SHROOM3: variants seen among roughly 807,000 people sequenced by gnomAD.
SHROOM3 encodes the protein shroom family member 3, also known as protein Shroom3.
In SHROOM3, 47 loss-of-function variants were observed where a neutral mutation model predicts 138.6. The ratio of observed to expected loss-of-function variants is 0.34; its 90% CI spans 0.27 to 0.43. The LOEUF (loss-of-function observed/expected upper bound fraction) is 0.43. Ranked by LOEUF, SHROOM3 falls within the 20% of genes least tolerant of loss-of-function variation. The pLI is 1.00. For synonymous variants in SHROOM3, 1,062 were observed against 1,063.3 expected (o/e 1.00, Z 0.02); for missense variants, 2,491 against 2,596.5 (o/e 0.96, Z 0.88).
At chr4:76,453,368 T>A (rs1730964273) in intron 1 of SHROOM3, among the ~76,000 whole-genome samples, 1 of 152,016 alleles carries the variant, frequency 6.6e-6, no homozygotes, top group Non-Finnish European at 1.5e-5. Flanking sequence ...AGTCTTGACC[T>A]CCTGGGCTCA....
At chr4:76,696,742 A>G (rs748713940) in intron 2 of SHROOM3, among the ~76,000 whole-genome samples, 2 of 152,104 alleles carry the variant, frequency 1.3e-5, no homozygotes, top group African/African-American at 2.4e-5. Context: ...TTCTGTTCCC[A>G]ATACCATCTG....
At chr4:76,590,995 CTG>C (rs1734262374) in intron 2 of SHROOM3, among the ~76,000 whole-genome samples, 1 of 152,122 alleles carries the variant, frequency 6.6e-6, no homozygotes, top group African/African-American at 2.4e-5. Context: ...AATATCGAAT[CTG>C]TGCAACAGCT....
At chr4:76,473,203 G>T (rs1731415620) in intron 1 of SHROOM3, among the ~76,000 whole-genome samples, 1 of 152,162 alleles carries the variant, frequency 6.6e-6, no homozygotes, top group African/African-American at 2.4e-5. Context: ...GTGCTTCAAA[G>T]GATACTATTG....
chr4:76,439,766 A>C (rs1342166668), intron 1 of SHROOM3, among the ~76,000 whole-genome samples: 1 of 152,244 alleles, frequency 6.6e-6, no homozygotes, highest in Non-Finnish European at 1.5e-5. Context: ...AATATAATAA[A>C]TGAAGTATCA....
At chr4:76,442,743 C>T (rs918874055) in intron 1 of SHROOM3, among the ~76,000 whole-genome samples, 3 of 152,004 alleles carry the variant, frequency 2.0e-5, no homozygotes, top group South Asian at 2.1e-4. Context: ...TCCTAGCTCC[C>T]CTGTTAGACT....
intron 1 of SHROOM3, among the ~76,000 whole-genome samples, chr4:76,497,719 G>A (rs560600576): frequency 1.8e-4 from 28 of 152,176 alleles, no homozygotes; most frequent in East Asian, 7.7e-4. Flanking sequence ...TTATCTGGGC[G>A]TGGTGGCAGG....
chr4:76,639,313 T>C (rs1735593558), intron 2 of SHROOM3, among the ~76,000 whole-genome samples: 1 of 152,180 alleles, frequency 6.6e-6, no homozygotes, highest in South Asian at 2.1e-4. Context: ...TGAATATTTC[T>C]CCAAAAAGTG....
chr4:76,493,075 G>T (rs1253517406), intron 1 of SHROOM3, among the ~76,000 whole-genome samples: 1 of 151,916 alleles, frequency 6.6e-6, no homozygotes, highest in East Asian at 1.9e-4. Flanking sequence ...ACAAAAATTA[G>T]CTGGCCATGG....
Position 76,739,003 on chromosome 4 carries a change from T to C in SHROOM3, c.830T>C (p.Ile277Thr). ...SSILEYPHPG[I>T]SGRERSGSMD... is the part of the protein sequence containing the mutation. The stretch of plus-strand genomic sequence containing the variant: ...ATCCTAGAGTATCCACACCCTGGCA[T>C]CTCTGGCCGGGAGCGTTCAGGCTCC... Residue 277 changes from isoleucine to threonine, a missense_variant, in exon 5 of 11, where the codon ATC becomes ACC. Ile to Thr is a moderately conservative substitution (Grantham distance 89). Coordinates refer to ENST00000296043, the MANE Select transcript of SHROOM3 (RefSeq NM_020859.4). The C allele has an allele frequency of 6.2e-7, 1 of 1,614,188 alleles. No individual in the cohort carries two copies. The highest frequency in any genetic ancestry group is 1.1e-5 in the South Asian group (1 of 91,082).
intron 1 of SHROOM3, among the ~76,000 whole-genome samples, chr4:76,473,480 G>A (rs1473939490): frequency 6.6e-6 from 1 of 151,968 alleles, no homozygotes; most frequent in African/African-American, 2.4e-5. Flanking sequence ...ATGGTGGCAT[G>A]TACCTGTAGT....
intron 2 of SHROOM3, among the ~76,000 whole-genome samples, chr4:76,611,783 T>C (rs1161133293): frequency 1.3e-5 from 2 of 152,178 alleles, no homozygotes; most frequent in Non-Finnish European, 2.9e-5. Context: ...TCAGCCTGAC[T>C]TGGGGAGACT....
chr4:76,563,014 A>C (rs1733630309), intron 2 of SHROOM3, among the ~76,000 whole-genome samples: 1 of 152,222 alleles, frequency 6.6e-6, no homozygotes, highest in Admixed American at 6.5e-5. Flanking sequence ...TCTGGATTCC[A>C]GTCTCAGTTC....
intron 2 of SHROOM3, among the ~76,000 whole-genome samples, chr4:76,684,430 C>T (rs1312238086): frequency 1.3e-5 from 2 of 152,188 alleles, no homozygotes; most frequent in Non-Finnish European, 2.9e-5. Context: ...ACCTTTTTGC[C>T]TCTGTTTAAA....
Position 76,755,147 on chromosome 4 carries a change from G to A in SHROOM3, c.4664G>A (p.Cys1555Tyr). The A allele has an allele frequency of 2.5e-6, 4 of 1,612,664 alleles. No individual in the cohort carries two copies. The highest frequency in any genetic ancestry group is 3.4e-6 in the Non-Finnish European group (4 of 1,179,762). The change falls in exon 7 of 11, where the codon TGT becomes TAT. Residue 1555 changes from cysteine (C) to tyrosine (Y), a missense_variant. Cys to Tyr is a radical substitution (Grantham distance 194). Around this residue, in one of 4 missense-constraint regions of SHROOM3, gnomAD observed 470 missense variants for 595.0 expected, o/e 0.79. Transcript: ENST00000296043. ...DFPPPPPHTV[C>Y]EAQLDSEDPE... ...CCTCCACCTCCTCCCCACACTGTAT[G>A]TGAGGCGCAGCTGGACAGTGAGGAT... is the stretch of plus-strand genomic sequence containing the variant.
At chr4:76,492,895 T>C (rs1731883151) in intron 1 of SHROOM3, among the ~76,000 whole-genome samples, 1 of 152,094 alleles carries the variant, frequency 6.6e-6, no homozygotes, top group Non-Finnish European at 1.5e-5. Context: ...AATTTGGTTT[T>C]GATCGTGGGA....
At chr4:76,625,232 A>G (rs1168847434) in intron 2 of SHROOM3, among the ~76,000 whole-genome samples, 1 of 152,228 alleles carries the variant, frequency 6.6e-6, no homozygotes, top group Non-Finnish European at 1.5e-5. Context: ...AATAGGTGCT[A>G]TTGAACATAG....
intron 2 of SHROOM3, among the ~76,000 whole-genome samples, chr4:76,634,053 C>A (rs545407141): frequency 1.3e-5 from 2 of 152,216 alleles, no homozygotes; most frequent in South Asian, 2.1e-4. Flanking sequence ...TAATGGAGTG[C>A]TAGTCCTCAA....
intron 2 of SHROOM3, among the ~76,000 whole-genome samples, chr4:76,579,338 G>T (rs1378581174): frequency 6.6e-6 from 1 of 152,062 alleles, no homozygotes; most frequent in Non-Finnish European, 1.5e-5. Context: ...CGTGGTGGCA[G>T]GCGCCTGTAG....
chr4:76,516,595 AG>A (rs201634133), intron 1 of SHROOM3, among the ~76,000 whole-genome samples: 150 of 148,142 alleles, frequency 1.0e-3, no homozygotes, highest in Middle Eastern at 3.5e-3. Context: ...AGCATGATTT[AG>A]AAAAAAAAAA....
Sources: gnomAD v4.1 joint callset for allele counts (sites outside exome capture counted in the v4.1 genomes callset) on GRCh38, gnomAD v4.1.1 for gene constraint, gnomAD v4.1.1 regional missense constraint, MANE v1.5 for transcripts, NCBI Gene and HGNC (gene_info 2026-07-23, HGNC 2026-07-21) for gene names.